The following DOCK3 variants were observed in gnomAD, a reference collection of about 807,000 sequenced individuals.
The protein encoded by DOCK3 is dedicator of cytokinesis protein 3.
In DOCK3, 60 loss-of-function variants were observed where a neutral mutation model predicts 265.6. The ratio of observed to expected loss-of-function variants is 0.23; its 90% CI spans 0.18 to 0.28. The LOEUF (loss-of-function observed/expected upper bound fraction) is 0.28. Ranked by LOEUF, DOCK3 falls within the 10% of genes least tolerant of loss-of-function variation. The pLI is 1.00. For missense variants in DOCK3, 1,981 were observed against 2,594.3 expected, an observed-to-expected ratio of 0.76 and a Z score of 5.14; for synonymous variants, 881 against 938.0, an observed-to-expected ratio of 0.94 and a Z score of 1.11.
chr3:50,784,642 G>A lies in DOCK3; in HGVS notation c.121+5884G>A, dbSNP rs1450567694. 2.2e-4 allele frequency among the ~76,000 whole-genome samples: 33 copies of A among 152,198 alleles called. 1 individual carries two copies. Among genetic ancestry groups the A allele is most frequent in the Admixed American group, 2.2e-3 (33 of 15,282 alleles). ...CAATATTGATTCTACCCATTCATAT[G>A]CATGGGATGTGTTTCCATTTGTTTG... On this transcript the variant is annotated intron_variant, in intron 2 of 52. Coordinates refer to ENST00000266037, the MANE Select transcript of DOCK3 (RefSeq NM_004947.5).
chr3:51,249,412 C>T lies in DOCK3; in HGVS notation c.2184+2605C>T, dbSNP rs1347801669. 5.4e-3 allele frequency among the ~76,000 whole-genome samples: 717 copies of T among 132,786 alleles called. 3 individuals are homozygous for T. Among genetic ancestry groups the T allele is most frequent in the Non-Finnish European group, 9.2e-3 (554 of 60,250 alleles). 87.1% of individuals were successfully genotyped at this position (132,786 alleles called of 152,430 possible). A position where few individuals can be genotyped will look rare whatever the true frequency, so the allele number is the denominator to read the frequency against. ...CCCCCGCCCGGCCAGCCGCCCCGTC[C>T]GGGAGGTGAGGGGCGCCTCTGTCCG... On this transcript the variant is annotated intron_variant, in intron 22 of 52. Coordinates refer to ENST00000266037, the MANE Select transcript of DOCK3 (RefSeq NM_004947.5).
intron 2 of DOCK3, among the ~76,000 whole-genome samples, chr3:50,810,167 G>A (rs2043657897): frequency 6.6e-6 from 1 of 152,098 alleles, no homozygotes; most frequent in African/African-American, 2.4e-5. Flanking sequence ...GTGTGTTGAT[G>A]ACTGGAGGAG....
chr3:50,828,863 G>A (rs1240813179), intron 2 of DOCK3, among the ~76,000 whole-genome samples: 1 of 151,960 alleles, frequency 6.6e-6, no homozygotes, highest in African/African-American at 2.4e-5. Flanking sequence ...ACAGGCATGT[G>A]CCACCATGCC....
intron 10 of DOCK3, among the ~76,000 whole-genome samples, chr3:51,153,619 T>A (rs1458054339): frequency 6.6e-6 from 1 of 152,200 alleles, no homozygotes; most frequent in Non-Finnish European, 1.5e-5. Context: ...CCGGAGCTGT[T>A]CCTATTCGGC....
intron 4 of DOCK3, among the ~76,000 whole-genome samples, chr3:50,892,812 C>G (rs944797814): frequency 6.6e-6 from 1 of 151,818 alleles, no homozygotes; most frequent in African/African-American, 2.4e-5. Flanking sequence ...ATGCATCACT[C>G]TAGAAAAAAG....
intron 49 of DOCK3, among the ~76,000 whole-genome samples, chr3:51,368,980 G>A (rs991818314): frequency 1.3e-5 from 2 of 152,202 alleles, no homozygotes; most frequent in Admixed American, 1.3e-4. Flanking sequence ...TGAGGGTCCT[G>A]ACTGTTAGAA....
chr3:51,243,146 G>T (rs997677579), intron 21 of DOCK3, among the ~76,000 whole-genome samples: 2 of 152,184 alleles, frequency 1.3e-5, no homozygotes, highest in African/African-American at 4.8e-5. Flanking sequence ...AGTTCCCCTA[G>T]GACTGAAGTC....
At chr3:51,200,464 T>A in intron 12 of DOCK3, among the ~76,000 whole-genome samples, 1 of 35,446 alleles carries the variant, frequency 2.8e-5, no homozygotes, top group Non-Finnish European at 5.3e-5. Flanking sequence ...AGAAGGGAAG[T>A]TTAGAGAAAA....
At chr3:50,977,450 T>G (rs1225331246) in intron 5 of DOCK3, among the ~76,000 whole-genome samples, 2 of 152,182 alleles carry the variant, frequency 1.3e-5, no homozygotes, top group South Asian at 4.1e-4. Flanking sequence ...ATTCTTTTCT[T>G]TAAGAATGTT....
At chr3:50,910,206 G>C (rs892135638) in intron 4 of DOCK3, among the ~76,000 whole-genome samples, 1 of 152,020 alleles carries the variant, frequency 6.6e-6, no homozygotes, top group Admixed American at 6.6e-5. Flanking sequence ...CCCACCTCCT[G>C]AAGCCTGCTC....
At position 51,381,375 on chromosome 3, in the gene DOCK3, C is replaced by T. The variant is rs1379383799; in HGVS notation, c.5909C>T (p.Pro1970Leu). 5.0e-6 allele frequency: 8 copies of T among 1,612,732 alleles called. No individual in the cohort carries two copies. The highest frequency in any genetic ancestry group is 1.1e-5 in the South Asian group (1 of 91,076). ...GCVIPQDPMD[P>L]PALPPKPYHP... ...GTCATCCCTCAGGACCCCATGGACCCGCCTGCGCTGCCGCCCAAGCCCTAC... is the reference window on the plus strand; with the variant it reads ...GTCATCCCTCAGGACCCCATGGACCTGCCTGCGCTGCCGCCCAAGCCCTAC... Residue 1970 changes from proline to leucine, a missense_variant, in exon 53 of 53, where the codon CCG becomes CTG. By Grantham distance (98) the Pro-to-Leu change is moderately conservative. This residue lies in a region of DOCK3 where 149 missense variants were observed against 144.7 expected (regional missense o/e 1.03). Transcript: ENST00000266037. The surrounding 1 kb of genome is among the most constrained non-coding windows in gnomAD (Gnocchi z 5.6).
At chr3:51,168,865 C>G (rs2086535873) in intron 12 of DOCK3, among the ~76,000 whole-genome samples, 1 of 151,366 alleles carries the variant, frequency 6.6e-6, no homozygotes, top group Non-Finnish European at 1.5e-5. Context: ...CAATATCTAG[C>G]ATTGATAAGG....
chr3:51,019,870 T>G (rs2108866833), intron 5 of DOCK3, among the ~76,000 whole-genome samples: 1 of 152,064 alleles, frequency 6.6e-6, no homozygotes, highest in East Asian at 1.9e-4. Flanking sequence ...CTTTATCCAG[T>G]CTATCATTGA....
chr3:51,252,492 G>A (rs892820481), intron 22 of DOCK3, among the ~76,000 whole-genome samples: 1 of 152,196 alleles, frequency 6.6e-6, no homozygotes, highest in African/African-American at 2.4e-5. Flanking sequence ...TCCTATCCAT[G>A]AGCATGGAAT....
At position 51,057,664 on chromosome 3, in the gene DOCK3, A is replaced by G. The variant is rs143998416; in HGVS notation, c.316-6784A>G. Among the ~76,000 whole-genome samples, 737 of 152,290 alleles carry G rather than the reference A, an allele frequency of 4.8e-3. 4 individuals carry two copies. The highest frequency in any genetic ancestry group is 7.7e-3 in the Non-Finnish European group (522 of 68,024). On this transcript the variant is annotated intron_variant, in intron 5 of 52. Coordinates refer to ENST00000266037, the MANE Select transcript of DOCK3 (RefSeq NM_004947.5). ...CCAGATTGCTCACCTTGAGTGGTAT[A>G]TACTGTCTTATGCTAACAAGCCCAA...
intron 32 of DOCK3, 45 bp downstream of exon 32, chr3:51,315,173 C>T (rs778378398): frequency 1.3e-6 from 2 of 1,527,542 alleles, no homozygotes; most frequent in Non-Finnish European, 1.8e-6. Context: ...GAATGGATCC[C>T]TTCTGCTTAG....
chr3:50,877,580 T>C (rs571306938), intron 3 of DOCK3: 37 of 518,954 alleles, frequency 7.1e-5, no homozygotes, highest in Non-Finnish European at 1.2e-4. Flanking sequence ...GGATTCAGCT[T>C]GATGGCATCT....
At chr3:50,848,821 T>G (rs1299263825) in intron 3 of DOCK3, among the ~76,000 whole-genome samples, 2 of 152,186 alleles carry the variant, frequency 1.3e-5, no homozygotes, top group African/African-American at 4.8e-5. Context: ...AGTTCTTGTG[T>G]CTAGATGTCT....
At chr3:51,043,008 G>T (rs906673505) in intron 5 of DOCK3, among the ~76,000 whole-genome samples, 8 of 152,184 alleles carry the variant, frequency 5.3e-5, no homozygotes, top group South Asian at 4.2e-4. Context: ...TAATTAAAAC[G>T]GCCATACTGC....
Sources: allele counts gnomAD v4.1 joint callset (sites outside exome capture counted in the v4.1 genomes callset), GRCh38; gene constraint gnomAD v4.1.1; regional missense constraint gnomAD v4.1.1; non-coding constraint Gnocchi (gnomAD v3.1); transcripts MANE v1.5; gene names NCBI Gene and HGNC (gene_info 2026-07-23, HGNC 2026-07-21).